Variants in KALRN observed in about 807,000 individuals in gnomAD.
KALRN encodes kalirin.
Under a neutral mutation model 353.7 loss-of-function variants are expected in KALRN, and 70 were observed. The observed-to-expected ratio is 0.20, with a 90% CI of 0.16 to 0.24. KALRN has a LOEUF of 0.24. Ranked by LOEUF, KALRN falls within the 10% of genes least tolerant of loss-of-function variation. KALRN has a pLI of 1.00. For missense variants in KALRN, 2,791 were observed against 3,756.7 expected, an observed-to-expected ratio of 0.74 and a Z score of 6.72; for synonymous variants, 1,391 against 1,434.8, an observed-to-expected ratio of 0.97 and a Z score of 0.69.
At chr3:124,461,775 A>C in intron 23 of KALRN, 115 bp from the exon 24 acceptor site, 3 of 724,636 alleles carry the variant, frequency 4.1e-6, no homozygotes, top group Non-Finnish European at 4.8e-6. Flanking sequence ...CTGTTGATGA[A>C]GTAGAAAAAT....
intron 33 of KALRN, among the ~76,000 whole-genome samples, chr3:124,536,196 CT>C (rs34435871): frequency 0.083 from 8,227 of 99,034 alleles, 149 homozygotes; most frequent in African/African-American, 0.14. Context: ...CATCCATACT[CT>C]TTTTTTTTTT....
chr3:124,141,172 C>T (rs1042752585), intron 1 of KALRN, among the ~76,000 whole-genome samples: 3 of 152,194 alleles, frequency 2.0e-5, no homozygotes, highest in Non-Finnish European at 4.4e-5. Flanking sequence ...AGACTCTCTT[C>T]ATCCCATGCC....
intron 1 of KALRN, among the ~76,000 whole-genome samples, chr3:124,135,020 T>C (rs1193264473): frequency 1.3e-5 from 2 of 152,212 alleles, no homozygotes; most frequent in Admixed American, 1.3e-4. Flanking sequence ...GCAATGCCAC[T>C]ACTGGGTATC....
chr3:124,223,564 A>G (rs1283403448), intron 1 of KALRN, among the ~76,000 whole-genome samples: 2 of 152,230 alleles, frequency 1.3e-5, no homozygotes, highest in East Asian at 3.9e-4. Flanking sequence ...AAAAGGAAAC[A>G]AAGAGCAATC....
intron 1 of KALRN, among the ~76,000 whole-genome samples, chr3:124,208,617 C>T (rs909083464): frequency 6.6e-6 from 1 of 152,032 alleles, no homozygotes; most frequent in African/African-American, 2.4e-5. Flanking sequence ...CCACTGTCTC[C>T]AGCCAAGAAA....
chr3:124,132,343 G>A (rs1315721120), intron 1 of KALRN, among the ~76,000 whole-genome samples: 2 of 152,146 alleles, frequency 1.3e-5, no homozygotes, highest in Non-Finnish European at 2.9e-5. Context: ...TGTGAGGGAA[G>A]CTCAATCATC....
At chr3:124,607,705 C>T (rs2077494284) in intron 34 of KALRN, among the ~76,000 whole-genome samples, 1 of 152,126 alleles carries the variant, frequency 6.6e-6, no homozygotes, top group Admixed American at 6.6e-5. Context: ...CAACCTCCAC[C>T]TCCTAGGTTC....
chr3:124,279,767 C>T (rs1359205656), intron 5 of KALRN, among the ~76,000 whole-genome samples: 1 of 152,210 alleles, frequency 6.6e-6, no homozygotes, highest in Non-Finnish European at 1.5e-5. Context: ...ACATTCAGGC[C>T]TGGCCATGTT....
intron 1 of KALRN, among the ~76,000 whole-genome samples, chr3:124,180,087 G>A (rs2073363697): frequency 6.6e-6 from 1 of 151,430 alleles, no homozygotes; most frequent in Non-Finnish European, 1.5e-5. Flanking sequence ...TTGAGCCTGG[G>A]GTAACTGCTT....
At chr3:124,371,291 T>C (rs1329861708) in intron 10 of KALRN, among the ~76,000 whole-genome samples, 2 of 152,218 alleles carry the variant, frequency 1.3e-5, no homozygotes, top group South Asian at 2.1e-4. Context: ...GAAGACCCTT[T>C]GTCCTCTTCA....
chr3:124,385,388 C>T (rs1200216655), intron 11 of KALRN, among the ~76,000 whole-genome samples: 1 of 152,204 alleles, frequency 6.6e-6, no homozygotes, highest in Non-Finnish European at 1.5e-5. Context: ...CTTCCCACTA[C>T]ACACCCAATT....
chr3:124,248,685 TC>T (rs1479358147), intron 3 of KALRN, among the ~76,000 whole-genome samples: 1 of 152,220 alleles, frequency 6.6e-6, no homozygotes, highest in Non-Finnish European at 1.5e-5. Flanking sequence ...TCTCAGAGCC[TC>T]CTTCCTCTCT....
chr3:124,330,283 C>G (rs951243543), intron 8 of KALRN, among the ~76,000 whole-genome samples: 1 of 149,560 alleles, frequency 6.7e-6, no homozygotes, highest in Non-Finnish European at 1.5e-5. Flanking sequence ...CACACACACA[C>G]ACACCCCATA....
At chr3:124,717,653 G>A (rs764433454) in intron 59 of KALRN, among the ~76,000 whole-genome samples, 7 of 151,840 alleles carry the variant, frequency 4.6e-5, no homozygotes, top group South Asian at 2.1e-4. Flanking sequence ...CCGAGATCGC[G>A]CCACTGCACT....
intron 25 of KALRN, 81 bp from the exon 26 acceptor site, chr3:124,474,582 T>C (rs577445864): frequency 1.3e-5 from 14 of 1,047,622 alleles, no homozygotes; most frequent in African/African-American, 6.2e-5. Context: ...TGAGAAGTTA[T>C]GGTTGTGCTG....
At chr3:124,088,345 T>TG (rs1577934229) in intron 1 of KALRN, among the ~76,000 whole-genome samples, 1 of 152,334 alleles carries the variant, frequency 6.6e-6, no homozygotes, top group East Asian at 1.9e-4. Flanking sequence ...TCAGATGAGT[T>TG]GGGGCAGCTG....
chr3:124,532,034 G>C (rs982451098), intron 33 of KALRN, among the ~76,000 whole-genome samples: 1 of 152,158 alleles, frequency 6.6e-6, no homozygotes, highest in African/African-American at 2.4e-5. Flanking sequence ...TGGGACATGA[G>C]CCTTCTGTAT....
At chr3:124,534,896 T>C (rs2068382547) in intron 33 of KALRN, among the ~76,000 whole-genome samples, 1 of 152,162 alleles carries the variant, frequency 6.6e-6, no homozygotes. Context: ...AAGCGAACCC[T>C]GCAAATACCC....
chr3:124,174,661 T>G (rs1451975128), intron 1 of KALRN, among the ~76,000 whole-genome samples: 1 of 152,206 alleles, frequency 6.6e-6, no homozygotes, highest in Non-Finnish European at 1.5e-5. Context: ...AAGTGCAGGA[T>G]TCCCCTCAGG....
Sources: gnomAD v4.1 joint callset for allele counts (sites outside exome capture counted in the v4.1 genomes callset) on GRCh38, gnomAD v4.1.1 for gene constraint, MANE v1.5 for transcripts, NCBI Gene and HGNC (gene_info 2026-07-23, HGNC 2026-07-21) for gene names.